Variants in MIDEAS observed in about 807,000 individuals in gnomAD.
MIDEAS encodes mitotic deacetylase associated SANT domain protein.
A neutral mutation model predicts 102.7 loss-of-function variants in MIDEAS; 26 were observed. The observed-to-expected ratio is 0.25, with a 90% confidence interval of 0.19 to 0.35. The LOEUF (loss-of-function observed/expected upper bound fraction) is 0.35, where lower values mean the gene tolerates loss of function less well. Ranked by LOEUF, MIDEAS falls within the 10% of genes least tolerant of loss-of-function variation. MIDEAS has a pLI of 1.00. For synonymous variants in MIDEAS, 585 were observed against 591.0 expected (o/e 0.99, Z 0.15); for missense variants, 1,231 against 1,435.6 (o/e 0.86, Z 2.30).
intron 1 of MIDEAS, among the ~76,000 whole-genome samples, chr14:73,770,524 T>C (rs1283455417): frequency 6.6e-6 from 1 of 152,100 alleles, no homozygotes; most frequent in African/African-American, 2.4e-5. Flanking sequence ...GGATTGTGAC[T>C]GGGTGGGGAT....
Position 73,738,771 on chromosome 14 carries a change from C to A in MIDEAS, c.1238G>T (p.Gly413Val). 1 of 1,593,800 alleles carries A rather than the reference C, an allele frequency of 6.3e-7. No individual in the cohort carries two copies. The highest frequency in any genetic ancestry group is 1.1e-5 in the South Asian group (1 of 89,100). Reference sequence around the variant, plus strand: ...CCGGCCATTGGGTGCTAGTCTCTCCCCATCAGGCAGTAGCTGCGACTCCCT... The same window carrying A: ...CCGGCCATTGGGTGCTAGTCTCTCCACATCAGGCAGTAGCTGCGACTCCCT... Reference protein sequence around the residue: ...ELRESQLLPDGERLAPNGRER... With the variant: ...ELRESQLLPDVERLAPNGRER... Residue 413 changes from glycine to valine, a missense_variant, in exon 2 of 13, where the codon GGG becomes GTG. Coordinates refer to ENST00000423556, the MANE Select transcript of MIDEAS (RefSeq NM_001367710.1).
intron 1 of MIDEAS, among the ~76,000 whole-genome samples, chr14:73,765,699 C>T (rs987086960): frequency 6.6e-6 from 1 of 152,142 alleles, no homozygotes; most frequent in Non-Finnish European, 1.5e-5. Flanking sequence ...CATTCTCACC[C>T]TCATATCTTC....
Position 73,717,498 on chromosome 14 carries a change from T to C in MIDEAS, c.*1345A>G, listed in dbSNP as rs2052909711. ...CAGCAAGAACTGCCTTAATCTCCCT[T>C]GCTCTGTGTGGGTCTGGTGACACCC... On this transcript the variant is annotated 3_prime_UTR_variant, in exon 13 of 13. Transcript: ENST00000423556. The C allele has an allele frequency of 6.6e-6, 1 of 152,466 alleles. No homozygotes were observed. The highest frequency in any genetic ancestry group is 2.4e-5 in the African/African-American group (1 of 41,448). 9.4% of individuals were successfully genotyped at this position (152,466 alleles called of 1,614,324 possible).
chr14:73,776,865 G>A (rs1474277151), intron 1 of MIDEAS, among the ~76,000 whole-genome samples: 10 of 151,644 alleles, frequency 6.6e-5, no homozygotes, highest in African/African-American at 2.4e-4. Flanking sequence ...AAGGTCAGGA[G>A]TTCAAGACCA....
At chr14:73,756,064 G>C (rs1172562339) in intron 1 of MIDEAS, among the ~76,000 whole-genome samples, 1 of 152,136 alleles carries the variant, frequency 6.6e-6, no homozygotes, top group African/African-American at 2.4e-5. Context: ...TATGAACTCA[G>C]GTCTGCCCAG....
rs554201751 is a variant in MIDEAS at position 73,725,456 on chromosome 14, C to T, written c.2486-96G>A. ...GCAAAAAAGTGTGAGGCCATCCGCC[C>T]ATGGTTTCTGCAGGCATCAGAGCCG... On this transcript the variant is annotated intron_variant, in intron 8 of 12. Transcript: ENST00000423556. The surrounding 1 kb of genome is among the most constrained non-coding windows in gnomAD (Gnocchi z 4.1). 3.6e-4 allele frequency: 364 copies of T among 1,000,800 alleles called. No homozygotes were observed. In the African/African-American group the frequency reaches 5.0e-3, roughly 14 times the overall value. 62.0% of individuals were successfully genotyped at this position (1,000,800 alleles called of 1,614,324 possible).
intron 9 of MIDEAS, 108 bp from the exon 10 acceptor site, chr14:73,722,955 A>G (rs2053015908): frequency 7.4e-7 from 1 of 1,356,788 alleles, no homozygotes; most frequent in African/African-American, 1.5e-5. Context: ...TCAAGCCAAA[A>G]TGAAACCCAG....
At chr14:73,737,522 AG>A (rs916318729) in intron 2 of MIDEAS, among the ~76,000 whole-genome samples, 2 of 152,108 alleles carry the variant, frequency 1.3e-5, no homozygotes, top group African/African-American at 2.4e-5. Flanking sequence ...GCTACTTGGG[AG>A]GCAGAGGTGG....
chr14:73,739,491 G>A lies in MIDEAS; in HGVS notation c.518C>T (p.Pro173Leu), dbSNP rs750094788. 6.8e-6 allele frequency: 11 copies of A among 1,612,098 alleles called. No homozygotes were observed. Among genetic ancestry groups the A allele is most frequent in the Non-Finnish European group, 9.3e-6 (11 of 1,178,932 alleles). ...EALKREKAGGPQLDRYVRPMM... is the reference protein window; with the variant it reads ...EALKREKAGGLQLDRYVRPMM... ...TGGTCGCACATAGCGGTCCAGCTGTGGGCCCCCCGCTTTCTCCCGCTTCAG... is the reference window on the plus strand; with the variant it reads ...TGGTCGCACATAGCGGTCCAGCTGTAGGCCCCCCGCTTTCTCCCGCTTCAG... The change falls in exon 2 of 13, where the codon CCA becomes CTA. Residue 173 changes from proline (P) to leucine (L), a missense_variant. Pro to Leu is a moderately conservative substitution (Grantham distance 98). Transcript: ENST00000423556.
chr14:73,774,925 C>G (rs575522230), intron 1 of MIDEAS, among the ~76,000 whole-genome samples: 1 of 152,020 alleles, frequency 6.6e-6, no homozygotes, highest in Non-Finnish European at 1.5e-5. Flanking sequence ...GCCACAGATC[C>G]AAGGTGGTGG....
intron 1 of MIDEAS, among the ~76,000 whole-genome samples, chr14:73,749,831 C>T (rs796376470): frequency 7.9e-5 from 12 of 152,288 alleles, no homozygotes; most frequent in African/African-American, 2.9e-4. Flanking sequence ...CCCTCCTCAG[C>T]CCATGTTCTC....
In MIDEAS at chr14:73,725,439, G is replaced by T; in HGVS notation, c.2486-79C>A. 1.7e-6 allele frequency: 2 copies of T among 1,179,916 alleles called. No homozygotes were observed. Among genetic ancestry groups the T allele is most frequent in the South Asian group, 1.2e-5 (1 of 81,954 alleles). The allele number at this position is 1,179,916 out of a possible 1,614,324, so 73.1% of individuals were successfully genotyped here. A position where few individuals can be genotyped will look rare whatever the true frequency, so the allele number is the denominator to read the frequency against. ...CAGGGCAATTTTGACAAGCAAAAAA[G>T]TGTGAGGCCATCCGCCCATGGTTTC... On this transcript the variant is annotated intron_variant, in intron 8 of 12. Transcript: ENST00000423556. The surrounding 1 kb of genome is among the most constrained non-coding windows in gnomAD (Gnocchi z 4.1).
intron 7 of MIDEAS, among the ~76,000 whole-genome samples, 185 bp downstream of exon 7, chr14:73,726,419 C>G (rs1249518761): frequency 6.6e-6 from 1 of 152,208 alleles, no homozygotes; most frequent in Non-Finnish European, 1.5e-5. Flanking sequence ...GAGGACACTG[C>G]ACAGCAAAAC....
rs2052890344 is a variant in MIDEAS at position 73,716,443 on chromosome 14, G to A, written c.*2400C>T. The A allele has an allele frequency of 6.6e-6, 1 of 151,886 alleles. No homozygotes were observed. Among genetic ancestry groups the A allele is most frequent in the Admixed American group, 6.6e-5 (1 of 15,256 alleles). 9.4% of individuals were successfully genotyped at this position (151,886 alleles called of 1,614,324 possible). On this transcript the variant is annotated 3_prime_UTR_variant, in exon 13 of 13. Coordinates refer to ENST00000423556, the MANE Select transcript of MIDEAS (RefSeq NM_001367710.1). ...TAATGCCAGCACTTTGGGAGGCCGAGGCGGGTGGACCACCTGAGGTCAGGA... is the reference window on the plus strand; with the variant it reads ...TAATGCCAGCACTTTGGGAGGCCGAAGCGGGTGGACCACCTGAGGTCAGGA...
chr14:73,727,787 T>C, intron 4 of MIDEAS: 1 of 446,272 alleles, frequency 2.2e-6, no homozygotes, highest in Non-Finnish European at 4.0e-6. Context: ...GAGAACTGGA[T>C]AAAATAATGC....
chr14:73,772,100 G>A (rs964049638), intron 1 of MIDEAS, among the ~76,000 whole-genome samples: 40 of 152,174 alleles, frequency 2.6e-4, no homozygotes, highest in Non-Finnish European at 2.8e-4. Flanking sequence ...CTGTGAACCC[G>A]AGTTACTCAG....
intron 1 of MIDEAS, among the ~76,000 whole-genome samples, chr14:73,770,808 C>T (rs1445673111): frequency 2.0e-5 from 3 of 152,082 alleles, no homozygotes; most frequent in African/African-American, 4.8e-5. Context: ...TTCAAAAAAC[C>T]GAGCTGCTGA....
At chr14:73,738,333 T>G (rs1566591490) in intron 2 of MIDEAS, among the ~76,000 whole-genome samples, 1 of 152,154 alleles carries the variant, frequency 6.6e-6, no homozygotes, top group Non-Finnish European at 1.5e-5. Flanking sequence ...GTGATCTGTA[T>G]CTATCTGTAT....
At chr14:73,737,390 A>G (rs1416408569) in intron 2 of MIDEAS, 93 bp from the exon 3 acceptor site, 3 of 1,364,930 alleles carry the variant, frequency 2.2e-6, no homozygotes, top group Non-Finnish European at 3.0e-6. Context: ...TTGGGAGGAC[A>G]AGATTAAAGG....
Sources: gnomAD v4.1 joint callset for allele counts (sites outside exome capture counted in the v4.1 genomes callset) on GRCh38, gnomAD v4.1.1 for gene constraint, Gnocchi (gnomAD v3.1) non-coding constraint, MANE v1.5 for transcripts, NCBI Gene and HGNC (gene_info 2026-07-23, HGNC 2026-07-21) for gene names.